BCL2: variants seen among roughly 807,000 people sequenced by gnomAD.
The protein encoded by BCL2 is apoptosis regulator Bcl-2.
BCL2 carries 1 observed loss-of-function variant against 14.2 expected under a neutral mutation model. The ratio of observed to expected loss-of-function variants is 0.07; its 90% CI spans 0.02 to 0.33. The LOEUF (loss-of-function observed/expected upper bound fraction) is 0.33, where lower values mean the gene tolerates loss of function less well. BCL2 is among the 10% of genes least tolerant of loss of function. The probability of loss-of-function intolerance (pLI) is 0.99; values close to 1 mark genes in which losing one functional copy is unlikely to be tolerated. For synonymous variants in BCL2, 151 were observed against 137.2 expected (o/e 1.10, Z -0.70); for missense variants, 247 against 305.9 (o/e 0.81, Z 1.44).
At chr18:63,137,588 G>A (rs1914241792) in intron 2 of BCL2, among the ~76,000 whole-genome samples, 1 of 152,076 alleles carries the variant, frequency 6.6e-6, no homozygotes, top group Non-Finnish European at 1.5e-5. Context: ...AGCCTCTAGT[G>A]TCCTCCTCCC....
intron 2 of BCL2, among the ~76,000 whole-genome samples, chr18:63,237,586 G>C (rs950674939): frequency 6.6e-6 from 1 of 152,106 alleles, no homozygotes; most frequent in Non-Finnish European, 1.5e-5. Flanking sequence ...TCATCCCCCT[G>C]GTGAAGCTCA....
intron 2 of BCL2, 95 bp downstream of exon 2, chr18:63,317,987 C>T (rs2144320462): frequency 6.6e-7 from 1 of 1,515,488 alleles, no homozygotes; most frequent in Non-Finnish European, 8.9e-7. Context: ...GCCGGCTCCA[C>T]AGCCTCCCAT....
At chr18:63,158,938 G>A (rs549526046) in intron 2 of BCL2, among the ~76,000 whole-genome samples, 2 of 152,226 alleles carry the variant, frequency 1.3e-5, no homozygotes, top group East Asian at 1.9e-4. Context: ...TGCAATTCAC[G>A]TTAACCCCCC....
intron 2 of BCL2, among the ~76,000 whole-genome samples, chr18:63,159,261 A>C (rs1783048528): frequency 6.6e-6 from 1 of 152,192 alleles, no homozygotes; most frequent in Admixed American, 6.5e-5. Flanking sequence ...GAATTTCCAC[A>C]CCCGGTCTTC....
chr18:63,291,752 G>T lies in BCL2; in HGVS notation c.585+26330C>A, dbSNP rs142376971. The stretch of plus-strand genomic sequence containing the variant: ...TTTTTTTTTTTTTCTCAATAAAGCG[G>T]GAAAAAATGCTGAAAGAATTTTTTA... On this transcript the variant is annotated intron_variant, in intron 2 of 2. Transcript: ENST00000333681. 1.5e-3 allele frequency among the ~76,000 whole-genome samples: 222 copies of T among 151,474 alleles called. 3 individuals are homozygous for T. Among genetic ancestry groups the T allele is most frequent in the African/African-American group, 5.2e-3 (215 of 41,276 alleles).
At chr18:63,138,255 T>C (rs910489188) in intron 2 of BCL2, among the ~76,000 whole-genome samples, 2 of 152,196 alleles carry the variant, frequency 1.3e-5, no homozygotes, top group Admixed American at 1.3e-4. Context: ...GTGAGGACTT[T>C]TTTCTACCTG....
chr18:63,244,612 C>T (rs1165410079), intron 2 of BCL2, among the ~76,000 whole-genome samples: 1 of 152,156 alleles, frequency 6.6e-6, no homozygotes, highest in Non-Finnish European at 1.5e-5. Flanking sequence ...CTCCCCTTAT[C>T]AGTATGTCTA....
chr18:63,309,553 T>C (rs1001045146), intron 2 of BCL2, among the ~76,000 whole-genome samples: 3 of 152,212 alleles, frequency 2.0e-5, no homozygotes, highest in Admixed American at 1.3e-4. Flanking sequence ...ACACGTGCAG[T>C]GTGCCCACAT....
chr18:63,308,394 G>A (rs564990534), intron 2 of BCL2, among the ~76,000 whole-genome samples: 1 of 152,308 alleles, frequency 6.6e-6, no homozygotes, highest in South Asian at 2.1e-4. Flanking sequence ...GGCCAGCCCT[G>A]CTTTCTATAA....
chr18:63,277,478 A>G (rs1286256718), intron 2 of BCL2, among the ~76,000 whole-genome samples: 1 of 151,832 alleles, frequency 6.6e-6, no homozygotes, highest in Non-Finnish European at 1.5e-5. Flanking sequence ...AAAAATTGTT[A>G]ATGAGCCAGT....
intron 2 of BCL2, among the ~76,000 whole-genome samples, chr18:63,260,539 G>A (rs973165109): frequency 3.3e-5 from 5 of 152,184 alleles, no homozygotes; most frequent in South Asian, 2.1e-4. Context: ...AGGGGCGGAC[G>A]ATAGCACAGA....
chr18:63,283,967 C>T (rs1421153600), intron 2 of BCL2, among the ~76,000 whole-genome samples: 1 of 152,074 alleles, frequency 6.6e-6, no homozygotes, highest in Non-Finnish European at 1.5e-5. Flanking sequence ...CTGGAGACTC[C>T]ACAGCGACAG....
intron 2 of BCL2, among the ~76,000 whole-genome samples, chr18:63,180,221 A>G (rs531828028): frequency 5.9e-5 from 9 of 152,340 alleles, no homozygotes; most frequent in Admixed American, 3.3e-4. Flanking sequence ...TGTTTTAGCC[A>G]TAGGAACACT....
chr18:63,302,536 G>A, intron 2 of BCL2: 1 of 985,232 alleles, frequency 1.0e-6, no homozygotes, highest in Non-Finnish European at 1.2e-6. Flanking sequence ...TTGTGCCCAG[G>A]GAAGATGTTG....
chr18:63,308,293 C>T (rs953773660), intron 2 of BCL2, among the ~76,000 whole-genome samples: 4 of 152,160 alleles, frequency 2.6e-5, no homozygotes, highest in African/African-American at 9.7e-5. Flanking sequence ...ATCATTTATC[C>T]TTGTGACTTT....
chr18:63,262,881 C>A (rs1911701186), intron 2 of BCL2, among the ~76,000 whole-genome samples: 1 of 152,200 alleles, frequency 6.6e-6, no homozygotes, highest in Non-Finnish European at 1.5e-5. Context: ...CTTCTGTTCT[C>A]AGATGTTTAA....
At chr18:63,307,290 T>C (rs974198304) in intron 2 of BCL2, among the ~76,000 whole-genome samples, 1 of 152,250 alleles carries the variant, frequency 6.6e-6, no homozygotes, top group Non-Finnish European at 1.5e-5. Flanking sequence ...TCATGGGTGA[T>C]GCCCTTTAAG....
intron 2 of BCL2, among the ~76,000 whole-genome samples, chr18:63,161,027 AG>A (rs1914908353): frequency 6.6e-6 from 1 of 152,186 alleles, no homozygotes; most frequent in African/African-American, 2.4e-5. Flanking sequence ...TTATGCAGGA[AG>A]GAGTTTTTAA....
At chr18:63,230,904 G>GAA (rs149886596) in intron 2 of BCL2, among the ~76,000 whole-genome samples, 5 of 148,334 alleles carry the variant, frequency 3.4e-5, no homozygotes, top group African/African-American at 1.2e-4. Flanking sequence ...CAAAAAATCT[G>GAA]AAAAAAAAAA....
Sources: gnomAD v4.1 joint callset for allele counts (sites outside exome capture counted in the v4.1 genomes callset) on GRCh38, gnomAD v4.1.1 for gene constraint, MANE v1.5 for transcripts, NCBI Gene and HGNC (gene_info 2026-07-23, HGNC 2026-07-21) for gene names.